The following LMNB1 variants were observed in gnomAD, a reference collection of about 807,000 sequenced individuals.
LMNB1 encodes the protein lamin B1.
Under a neutral mutation model 67.1 loss-of-function variants are expected in LMNB1, and 23 were observed. The observed-to-expected ratio is 0.34, with a 90% CI of 0.25 to 0.49. The LOEUF (loss-of-function observed/expected upper bound fraction) is 0.49. Ranked by LOEUF, LMNB1 falls within the 20% of genes least tolerant of loss-of-function variation. LMNB1 has a pLI of 0.99. For synonymous variants in LMNB1, 281 were observed against 282.9 expected (o/e 0.99, Z 0.07); for missense variants, 634 against 746.5 (o/e 0.85, Z 1.76).
chr5:126,807,691 G>T (rs1364136664), intron 3 of LMNB1, among the ~76,000 whole-genome samples: 1 of 152,164 alleles, frequency 6.6e-6, no homozygotes, highest in African/African-American at 2.4e-5. Flanking sequence ...CTGATGTTGT[G>T]TGTAGACAAC....
At chr5:126,804,246 T>TTG (rs1408250407) in intron 1 of LMNB1, among the ~76,000 whole-genome samples, 1 of 147,192 alleles carries the variant, frequency 6.8e-6, no homozygotes, top group Non-Finnish European at 1.5e-5. Context: ...CTCTTTTTTT[T>TTG]TTTTTTTTTT....
chr5:126,798,763 GT>G (rs1455465646), intron 1 of LMNB1, among the ~76,000 whole-genome samples: 1 of 26,848 alleles, frequency 3.7e-5, no homozygotes, highest in African/African-American at 3.2e-4. Context: ...AAAAAGAGAA[GT>G]GTGTGTGTGT....
At position 126,822,877 on chromosome 5, in the gene LMNB1, A is replaced by C; in HGVS notation, c.1483A>C (p.Thr495Pro). Residue 495 changes from threonine to proline, a missense_variant, in exon 8 of 11, where the codon ACT becomes CCT. Coordinates refer to ENST00000261366, the MANE Select transcript of LMNB1 (RefSeq NM_005573.4). ...TSRYVLKAGQ[T>P]VTIWAANAGV... ...AAGATATGTGCTGAAGGCAGGCCAG[A>C]CTGTTACAGTAAGTGAATCTAGTCA... 1 of 1,574,280 alleles carries C rather than the reference A, an allele frequency of 6.4e-7. No individual in the cohort carries two copies. Among genetic ancestry groups the C allele is most frequent in the Non-Finnish European group, 8.7e-7 (1 of 1,144,502 alleles).
intron 1 of LMNB1, among the ~76,000 whole-genome samples, chr5:126,778,494 G>C (rs74745539): frequency 6.6e-6 from 1 of 152,218 alleles, no homozygotes; most frequent in Non-Finnish European, 1.5e-5. Flanking sequence ...CTTTAGGCGG[G>C]AGAGAGAGGC....
intron 1 of LMNB1, among the ~76,000 whole-genome samples, chr5:126,778,401 A>G (rs949207404): frequency 6.6e-6 from 1 of 152,218 alleles, no homozygotes; most frequent in African/African-American, 2.4e-5. Context: ...ACCTTCCCGC[A>G]GCATCCGCGT....
At position 126,789,067 on chromosome 5, in the gene LMNB1, T is replaced by C. The variant is rs73333456; in HGVS notation, c.359+11200T>C. On this transcript the variant is annotated intron_variant, in intron 1 of 10. Transcript: ENST00000261366. ...CACACCACCACGACTGGCTAATTTT[T>C]TGTGGGGAGAGGGTTTTGCCATGTT... Among the ~76,000 whole-genome samples the C allele has an allele frequency of 7.0e-3, 1,065 of 152,040 alleles. 11 individuals are homozygous for C. The highest frequency in any genetic ancestry group is 0.024 in the African/African-American group (1,016 of 41,474).
chr5:126,831,072 T>C (rs1193361168), intron 9 of LMNB1, among the ~76,000 whole-genome samples: 1 of 152,234 alleles, frequency 6.6e-6, no homozygotes, highest in Non-Finnish European at 1.5e-5. Context: ...CAAAATACTG[T>C]TCTGCCACCT....
chr5:126,798,325 C>CT (rs1215057816), intron 1 of LMNB1, among the ~76,000 whole-genome samples: 2 of 151,620 alleles, frequency 1.3e-5, no homozygotes, highest in African/African-American at 4.8e-5. Context: ...TGGCGGGTGC[C>CT]TGTAGTCCCA....
At chr5:126,821,576 CAAAT>C (rs1403407909) in intron 7 of LMNB1, among the ~76,000 whole-genome samples, 1 of 152,150 alleles carries the variant, frequency 6.6e-6, no homozygotes, top group Non-Finnish European at 1.5e-5. Context: ...TTTTTCCCTG[CAAAT>C]AAATGAATGA....
chr5:126,807,326 C>T (rs565705122), intron 3 of LMNB1, among the ~76,000 whole-genome samples: 2 of 152,262 alleles, frequency 1.3e-5, no homozygotes, highest in African/African-American at 4.8e-5. Flanking sequence ...TAGCAGTTAG[C>T]AAACCAGTTT....
At chr5:126,800,524 G>A (rs1751243671) in intron 1 of LMNB1, among the ~76,000 whole-genome samples, 1 of 151,212 alleles carries the variant, frequency 6.6e-6, no homozygotes, top group South Asian at 2.1e-4. Context: ...TTTCTAGGGG[G>A]ACTGCCATGC....
chr5:126,804,649 C>A, intron 1 of LMNB1, 127 bp from the exon 2 acceptor site: 1 of 760,736 alleles, frequency 1.3e-6, no homozygotes, highest in Non-Finnish European at 2.0e-6. Context: ...AATTGCTTCT[C>A]TAATTTTGAT....
At chr5:126,822,080 C>G (rs998764838) in intron 7 of LMNB1, among the ~76,000 whole-genome samples, 2 of 150,378 alleles carry the variant, frequency 1.3e-5, no homozygotes, top group African/African-American at 4.9e-5. Flanking sequence ...CTTGGCTCCT[C>G]CACCTCTTGG....
At position 126,810,323 on chromosome 5, in the gene LMNB1, G is replaced by C; in HGVS notation, c.786G>C (p.Glu262Asp). 6.2e-7 allele frequency: 1 copy of C among 1,609,812 alleles called. No homozygotes were observed. The highest frequency in any genetic ancestry group is 8.5e-7 in the Non-Finnish European group (1 of 1,176,506). ...QHDAQVRLYK[E>D]ELEQTYHAKL... Reference sequence around the variant, plus strand: ...ATGCCCAAGTGAGGCTGTATAAGGAGGAGCTGGAGCAGACTTACCATGCCA... The same window carrying C: ...ATGCCCAAGTGAGGCTGTATAAGGACGAGCTGGAGCAGACTTACCATGCCA... Residue 262 changes from glutamate (E) to aspartate (D), a missense_variant, in exon 4 of 11, where the codon GAG (glutamate) becomes GAC (aspartate). By Grantham distance (45) the Glu-to-Asp change is conservative. Coordinates refer to ENST00000261366, the MANE Select transcript of LMNB1 (RefSeq NM_005573.4).
chr5:126,831,368 T>C (rs1317361435), intron 9 of LMNB1, among the ~76,000 whole-genome samples: 2 of 152,250 alleles, frequency 1.3e-5, no homozygotes, highest in Non-Finnish European at 2.9e-5. Flanking sequence ...AAAACACTGC[T>C]GCATTTGTGC....
chr5:126,792,919 G>A (rs112903726), intron 1 of LMNB1, among the ~76,000 whole-genome samples: 1 of 152,292 alleles, frequency 6.6e-6, no homozygotes, highest in African/African-American at 2.4e-5. Context: ...ATGAGATGTA[G>A]GTGCTTAGAA....
At chr5:126,794,224 C>T (rs888013842) in intron 1 of LMNB1, among the ~76,000 whole-genome samples, 9 of 152,016 alleles carry the variant, frequency 5.9e-5, no homozygotes, top group Non-Finnish European at 7.4e-5. Context: ...CGTGCCTGGC[C>T]GAGTTTTTGT....
chr5:126,792,104 A>G (rs947992556), intron 1 of LMNB1, among the ~76,000 whole-genome samples: 9 of 145,930 alleles, frequency 6.2e-5, no homozygotes, highest in African/African-American at 1.8e-4. Context: ...TGATAGCTCT[A>G]TAGCATTGTT....
chr5:126,791,089 A>G (rs1295811281), intron 1 of LMNB1, among the ~76,000 whole-genome samples: 1 of 152,184 alleles, frequency 6.6e-6, no homozygotes, highest in Non-Finnish European at 1.5e-5. Flanking sequence ...TTAGTTTTCT[A>G]GCTTTCATTG....
Sources: gnomAD v4.1 joint callset for allele counts (sites outside exome capture counted in the v4.1 genomes callset) on GRCh38, gnomAD v4.1.1 for gene constraint, MANE v1.5 for transcripts, NCBI Gene and HGNC (gene_info 2026-07-23, HGNC 2026-07-21) for gene names.